The following UBE2H variants were observed in gnomAD, a reference collection of about 807,000 sequenced individuals.
UBE2H encodes the protein ubiquitin conjugating enzyme E2 H.
A neutral mutation model predicts 29.0 loss-of-function variants in UBE2H; 3 were observed. The observed-to-expected ratio is 0.10, with a 90% CI of 0.05 to 0.27. UBE2H has a LOEUF of 0.27. Among genes scored for constraint, UBE2H ranks in the 10% least tolerant of loss-of-function variants. The probability of loss-of-function intolerance (pLI) is 1.00; values close to 1 mark genes in which losing one functional copy is unlikely to be tolerated. For synonymous variants in UBE2H, 69 were observed against 82.9 expected (o/e 0.83, Z 0.91); for missense variants, 68 against 228.2 (o/e 0.30, Z 4.52).
intron 1 of UBE2H, among the ~76,000 whole-genome samples, chr7:129,888,664 G>A (rs746028531): frequency 3.9e-5 from 6 of 152,008 alleles, no homozygotes; most frequent in African/African-American, 4.8e-5. Context: ...CAGTAGAGAC[G>A]GAGTTTCACC....
Position 129,952,638 on chromosome 7 carries a change from C to T in UBE2H, c.-83G>A. ...GGCTCTGAGGAGCCCGCGGCCGCGC[C>T]GGCTCCTCGGTGGAGGTGGCAACAC... On this transcript the variant is annotated 5_prime_UTR_variant, in exon 1 of 7. Transcript: ENST00000355621. 1 of 1,525,372 alleles carries T rather than the reference C, an allele frequency of 6.6e-7. No homozygotes were observed. The highest frequency in any genetic ancestry group is 1.2e-5 in the South Asian group (1 of 84,924). The allele number at this position is 1,525,372 out of a possible 1,614,324, so 94.5% of individuals were successfully genotyped here.
intron 1 of UBE2H, among the ~76,000 whole-genome samples, chr7:129,888,477 A>AC (rs1196100779): frequency 6.8e-6 from 1 of 147,090 alleles, no homozygotes; most frequent in African/African-American, 2.5e-5. Context: ...ACATAGCAAG[A>AC]CCCTTTTTTT....
intron 1 of UBE2H, among the ~76,000 whole-genome samples, chr7:129,926,758 G>A (rs569638196): frequency 1.5e-4 from 23 of 151,544 alleles, no homozygotes; most frequent in South Asian, 1.2e-3. Context: ...CTGGCTGACT[G>A]ATAAGTGATC....
chr7:129,951,321 C>T (rs1238582380), intron 1 of UBE2H: 1 of 152,106 alleles, frequency 6.6e-6, no homozygotes, highest in African/African-American at 2.4e-5. Context: ...AAACAAAACC[C>T]TGCAACAGGG....
At chr7:129,926,760 T>C (rs149340289) in intron 1 of UBE2H, among the ~76,000 whole-genome samples, 1 of 152,288 alleles carries the variant, frequency 6.6e-6, no homozygotes, top group African/African-American at 2.4e-5. Flanking sequence ...GGCTGACTGA[T>C]AAGTGATCAC....
chr7:129,951,430 T>TC (rs1368385060), intron 1 of UBE2H: 1 of 147,072 alleles, frequency 6.8e-6, no homozygotes, highest in Non-Finnish European at 1.5e-5. Context: ...CTTGCCCCCC[T>TC]CCCCAAGGAC....
chr7:129,884,027 C>T (rs1366025310), intron 1 of UBE2H, among the ~76,000 whole-genome samples: 1 of 152,014 alleles, frequency 6.6e-6, no homozygotes, highest in African/African-American at 2.4e-5. Flanking sequence ...ACCCAGGAGG[C>T]AGAGGTTGCA....
In UBE2H at chr7:129,952,560, T is replaced by A; in HGVS notation, c.-5A>T. ...GCCCGGACTGGGAGATGACATGGTG[T>A]CGCCGCCGCCTCTCTCCCTTCCTCG... On this transcript the variant is annotated 5_prime_UTR_variant, in exon 1 of 7. Transcript: ENST00000355621. 6.2e-7 allele frequency: 1 copy of A among 1,610,800 alleles called. No homozygotes were observed. The highest frequency in any genetic ancestry group is 8.5e-7 in the Non-Finnish European group (1 of 1,178,522).
At chr7:129,931,389 G>C (rs772836363) in intron 1 of UBE2H, among the ~76,000 whole-genome samples, 10 of 150,416 alleles carry the variant, frequency 6.6e-5, no homozygotes, top group South Asian at 4.3e-4. Flanking sequence ...CTCTGTCTTG[G>C]GGAAAGAAAA....
chr7:129,921,755 T>C (rs1807168742), intron 1 of UBE2H, among the ~76,000 whole-genome samples: 1 of 151,974 alleles, frequency 6.6e-6, no homozygotes, highest in Non-Finnish European at 1.5e-5. Flanking sequence ...AGAACATTTT[T>C]CCCACTAACA....
chr7:129,911,265 G>A (rs562459330), intron 1 of UBE2H, among the ~76,000 whole-genome samples: 5 of 152,124 alleles, frequency 3.3e-5, no homozygotes, highest in African/African-American at 1.2e-4. Context: ...CTACTCAGGA[G>A]GCTGAGGCAG....
At chr7:129,911,694 G>A (rs965074920) in intron 1 of UBE2H, among the ~76,000 whole-genome samples, 2 of 152,078 alleles carry the variant, frequency 1.3e-5, no homozygotes, top group Non-Finnish European at 2.9e-5. Flanking sequence ...CTGGAAGGCA[G>A]TGGCATCATC....
intron 3 of UBE2H, among the ~76,000 whole-genome samples, chr7:129,861,662 C>T (rs1017759005): frequency 2.0e-5 from 3 of 152,170 alleles, no homozygotes; most frequent in South Asian, 2.1e-4. Flanking sequence ...GATGCTAAGA[C>T]GGACGGATTA....
chr7:129,902,529 A>G (rs1806737564), intron 1 of UBE2H, among the ~76,000 whole-genome samples: 2 of 152,178 alleles, frequency 1.3e-5, no homozygotes, highest in South Asian at 4.1e-4. Context: ...TGCACAAGTG[A>G]GAATAAGGGA....
intron 6 of UBE2H, among the ~76,000 whole-genome samples, chr7:129,838,382 T>TCG (rs1805368264): frequency 6.6e-6 from 1 of 152,234 alleles, no homozygotes; most frequent in Non-Finnish European, 1.5e-5. Context: ...TACTGCCACC[T>TCG]CTTGCAAATG....
chr7:129,847,515 CT>C (rs558087514), intron 5 of UBE2H, among the ~76,000 whole-genome samples: 9,196 of 147,512 alleles, frequency 0.062, 346 homozygotes, highest in Non-Finnish European at 0.093. Flanking sequence ...CCCAGTCTCT[CT>C]TTTTTTTTTT....
At position 129,952,858 on chromosome 7, in the gene UBE2H, C is replaced by T. The variant is rs546259815; in HGVS notation, c.-303G>A. 276 of 232,184 alleles carry T rather than the reference C, an allele frequency of 1.2e-3. 4 individuals are homozygous for T. The highest frequency in any genetic ancestry group is 6.0e-3 in the African/African-American group (263 of 43,894). The allele number at this position is 232,184 out of a possible 1,614,324, so 14.4% of individuals were successfully genotyped here. A position where few individuals can be genotyped will look rare whatever the true frequency, so the allele number is the denominator to read the frequency against. ...CGACGCTCCCTCCTGCCTGCTGTGG[C>T]TCGCTCGCCTGCTCCCCACTCACCC... On this transcript the variant is annotated 5_prime_UTR_variant, in exon 1 of 7. Coordinates refer to ENST00000355621, the MANE Select transcript of UBE2H (RefSeq NM_003344.4).
At chr7:129,949,725 A>G (rs951763028) in intron 1 of UBE2H, among the ~76,000 whole-genome samples, 3 of 152,182 alleles carry the variant, frequency 2.0e-5, no homozygotes, top group Admixed American at 2.0e-4. Context: ...GCAGCGGCCA[A>G]TTAGTTACAC....
chr7:129,842,198 A>G (rs1563019055), intron 5 of UBE2H, among the ~76,000 whole-genome samples: 3 of 152,272 alleles, frequency 2.0e-5, no homozygotes, highest in Admixed American at 1.3e-4. Flanking sequence ...TGGTAGGCCA[A>G]GGTGGGTGGA....
Sources: allele counts gnomAD v4.1 joint callset (sites outside exome capture counted in the v4.1 genomes callset), GRCh38; gene constraint gnomAD v4.1.1; transcripts MANE v1.5; gene names NCBI Gene and HGNC (gene_info 2026-07-23, HGNC 2026-07-21).